The following ROBO1 variants were observed in gnomAD, a reference collection of about 807,000 sequenced individuals.
ROBO1 encodes roundabout homolog 1.
A neutral mutation model predicts 195.9 loss-of-function variants in ROBO1; 149 were observed. The ratio of observed to expected loss-of-function variants is 0.76; its 90% confidence interval spans 0.67 to 0.87. The LOEUF (loss-of-function observed/expected upper bound fraction) is 0.87. Ranked by LOEUF, ROBO1 falls within the 40% of genes least tolerant of loss-of-function variation. ROBO1 has a pLI of 0.00. For missense variants in ROBO1, 1,933 were observed against 2,068.3 expected (o/e 0.93, Z 1.27); for synonymous variants, 816 against 733.2 (o/e 1.11, Z -1.82).
intron 2 of ROBO1, among the ~76,000 whole-genome samples, chr3:79,196,423 GA>G (rs2081637917): frequency 6.6e-6 from 1 of 150,874 alleles, no homozygotes; most frequent in Non-Finnish European, 1.5e-5. Flanking sequence ...GAAAGAGAGA[GA>G]AAATAAAGAG....
intron 18 of ROBO1, among the ~76,000 whole-genome samples, chr3:78,652,212 C>A (rs1161521867): frequency 6.6e-6 from 1 of 152,104 alleles, no homozygotes; most frequent in Non-Finnish European, 1.5e-5. Flanking sequence ...AAGAGGTTTG[C>A]AGGTTACTTC....
chr3:79,424,421 A>G (rs1423670710), intron 2 of ROBO1, among the ~76,000 whole-genome samples: 4 of 114,032 alleles, frequency 3.5e-5, no homozygotes, highest in Non-Finnish European at 7.4e-5. Flanking sequence ...GAATGAAAAT[A>G]TCATATCATA....
intron 2 of ROBO1, among the ~76,000 whole-genome samples, chr3:79,228,978 T>C (rs1052579666): frequency 1.3e-5 from 2 of 152,072 alleles, no homozygotes; most frequent in Non-Finnish European, 2.9e-5. Context: ...TTAACAACAG[T>C]AAAGATGGTC....
intron 2 of ROBO1, among the ~76,000 whole-genome samples, chr3:79,208,161 T>G (rs1235616062): frequency 6.6e-6 from 1 of 152,196 alleles, no homozygotes; most frequent in Non-Finnish European, 1.5e-5. Flanking sequence ...GATAATTGCC[T>G]GTGCCATCTC....
intron 1 of ROBO1, among the ~76,000 whole-genome samples, chr3:79,590,227 G>A (rs1490507682): frequency 2.6e-5 from 4 of 151,608 alleles, no homozygotes; most frequent in African/African-American, 9.7e-5. Flanking sequence ...CTATTTTTTA[G>A]AGGATGCCAG....
chr3:78,911,087 A>G (rs1034963927), intron 4 of ROBO1, among the ~76,000 whole-genome samples: 6 of 152,058 alleles, frequency 3.9e-5, no homozygotes, highest in African/African-American at 1.4e-4. Flanking sequence ...ATTAAGTCAA[A>G]GAGATCATTG....
intron 2 of ROBO1, among the ~76,000 whole-genome samples, chr3:79,178,925 A>G (rs2081298603): frequency 6.6e-6 from 1 of 152,212 alleles, no homozygotes. Flanking sequence ...AAACCTACTC[A>G]GTTTGTAACA....
intron 2 of ROBO1, among the ~76,000 whole-genome samples, chr3:79,273,309 C>A: frequency 6.6e-6 from 1 of 151,872 alleles, no homozygotes; most frequent in Admixed American, 6.6e-5. Flanking sequence ...ACAACTTTTC[C>A]AGACATAATG....
At chr3:78,812,458 G>T (rs989150598) in intron 4 of ROBO1, among the ~76,000 whole-genome samples, 2 of 151,900 alleles carry the variant, frequency 1.3e-5, no homozygotes, top group East Asian at 1.9e-4. Context: ...TACCTACAAG[G>T]CTCCCTCTTT....
chr3:79,516,590 T>G (rs989230877), intron 2 of ROBO1, among the ~76,000 whole-genome samples: 6 of 152,178 alleles, frequency 3.9e-5, no homozygotes, highest in African/African-American at 1.2e-4. Flanking sequence ...ATATATATTC[T>G]GATTCCCTTT....
chr3:78,705,351 C>G (rs941377204), intron 8 of ROBO1, among the ~76,000 whole-genome samples: 1 of 152,186 alleles, frequency 6.6e-6, no homozygotes, highest in African/African-American at 2.4e-5. Flanking sequence ...AATCCACACC[C>G]ACTTTCTTGG....
At chr3:79,685,005 T>C (rs902578333) in intron 1 of ROBO1, among the ~76,000 whole-genome samples, 1 of 152,134 alleles carries the variant, frequency 6.6e-6, no homozygotes, top group Admixed American at 6.6e-5. Context: ...AAATCAGACC[T>C]CCACCTAACA....
Position 79,589,878 on chromosome 3 carries a change from T to C in ROBO1, c.34A>G (p.Ile12Val). ...TTTGGGGATAAGCTGAGGAGTGATA[T>C]CATGACCAAAAAAGGAACATGTTTC... ...KWKHVPFLVM[I>V]SLLSLSPNHL... Residue 12 changes from isoleucine (I) to valine (V), a missense_variant, in exon 2 of 31, where the codon ATA becomes GTA. Physicochemically the swap from Ile to Val is conservative, Grantham distance 29. This residue lies in a region of ROBO1 where 185 missense variants were observed against 159.5 expected (regional missense o/e 1.16). Coordinates refer to ENST00000464233, the MANE Select transcript of ROBO1 (RefSeq NM_002941.4). 1.2e-6 allele frequency: 2 copies of C among 1,610,986 alleles called. No individual in the cohort carries two copies. Among genetic ancestry groups the C allele is most frequent in the South Asian group, 1.1e-5 (1 of 90,944 alleles).
intron 4 of ROBO1, among the ~76,000 whole-genome samples, chr3:78,790,142 G>A (rs1576170786): frequency 6.6e-6 from 1 of 152,126 alleles, no homozygotes; most frequent in East Asian, 1.9e-4. Flanking sequence ...TGACAGCTTT[G>A]TTTTCTAACT....
At chr3:79,368,709 A>G (rs2036067283) in intron 2 of ROBO1, among the ~76,000 whole-genome samples, 2 of 152,098 alleles carry the variant, frequency 1.3e-5, no homozygotes, top group Admixed American at 6.5e-5. Context: ...TTCCTCTCCC[A>G]CATTCTACTG....
intron 3 of ROBO1, among the ~76,000 whole-genome samples, chr3:78,945,757 G>C (rs1314696601): frequency 6.6e-6 from 1 of 152,178 alleles, no homozygotes; most frequent in Non-Finnish European, 1.5e-5. Context: ...TGGCAAAGAA[G>C]TTAAAAGCTT....
intron 10 of ROBO1, among the ~76,000 whole-genome samples, chr3:78,673,462 C>T (rs906501075): frequency 1.5e-5 from 2 of 137,106 alleles, no homozygotes; most frequent in Non-Finnish European, 3.1e-5. Context: ...GGTTACACTA[C>T]CTGTTATAAA....
At chr3:78,636,792 T>A (rs1259967991) in intron 22 of ROBO1, among the ~76,000 whole-genome samples, 1 of 151,116 alleles carries the variant, frequency 6.6e-6, no homozygotes, top group Non-Finnish European at 1.5e-5. Context: ...ACAAAAGGAA[T>A]CATAGTAACC....
intron 2 of ROBO1, among the ~76,000 whole-genome samples, chr3:79,465,574 G>A (rs987156524): frequency 2.6e-5 from 4 of 152,086 alleles, no homozygotes; most frequent in Non-Finnish European, 5.9e-5. Context: ...ATTCATTTTA[G>A]TCAATTCTTT....
Sources: gnomAD v4.1 joint callset for allele counts (sites outside exome capture counted in the v4.1 genomes callset) on GRCh38, gnomAD v4.1.1 for gene constraint, gnomAD v4.1.1 regional missense constraint, MANE v1.5 for transcripts, NCBI Gene and HGNC (gene_info 2026-07-23, HGNC 2026-07-21) for gene names.